The following SLC39A10 variants were observed in gnomAD, a reference collection of about 807,000 sequenced individuals.
The protein encoded by SLC39A10 is solute carrier family 39 member 10.
In SLC39A10, 13 loss-of-function variants were observed where a neutral mutation model predicts 65.1. The observed-to-expected ratio is 0.20, with a 90% CI of 0.13 to 0.32. The LOEUF is 0.32. SLC39A10 is among the 10% of genes least tolerant of loss of function. SLC39A10 has a pLI of 1.00. For missense variants in SLC39A10, 831 were observed against 1,018.4 expected (o/e 0.82, Z 2.50); for synonymous variants, 321 against 342.2 (o/e 0.94, Z 0.68).
chr2:195,680,724 C>T lies in SLC39A10; in HGVS notation c.682C>T (p.Leu228=). The change falls in exon 2 of 10, where the codon CTA becomes TTA. Residue 228 remains leucine, a synonymous_variant. Transcript: ENST00000359634. ...NKTQEQSDVK[L]PKGKRKKKGR... is the part of the protein sequence containing the mutation. ...AACCCAGGAACAATCTGATGTTAAA[C>T]TACCGAAAGGAAAGAGGAAGAAAAA... The T allele has an allele frequency of 6.2e-7, 1 of 1,614,036 alleles. No individual in the cohort carries two copies. Among genetic ancestry groups the T allele is most frequent in the Non-Finnish European group, 8.5e-7 (1 of 1,180,024 alleles).
intron 2 of SLC39A10, among the ~76,000 whole-genome samples, chr2:195,626,814 G>A (rs993768387): frequency 2.0e-4 from 30 of 152,036 alleles, no homozygotes; most frequent in African/African-American, 5.3e-4. Context: ...TAATTTTCCC[G>A]AGCAAATTTC....
intron 1 of SLC39A10, among the ~76,000 whole-genome samples, chr2:195,676,253 A>G (rs1690084635): frequency 6.6e-6 from 1 of 150,728 alleles, no homozygotes. Flanking sequence ...GTGGTGGCAC[A>G]ATCTTGGCTC....
At chr2:195,715,031 C>T (rs137955808) in intron 6 of SLC39A10, among the ~76,000 whole-genome samples, 4,009 of 151,976 alleles carry the variant, frequency 0.026, 73 homozygotes, top group Middle Eastern at 0.054. Context: ...GGGTTACAGG[C>T]GTGAGCCACT....
intron 2 of SLC39A10, among the ~76,000 whole-genome samples, chr2:195,649,044 C>T (rs973338031): frequency 1.3e-5 from 2 of 151,996 alleles, no homozygotes; most frequent in Non-Finnish European, 2.9e-5. Flanking sequence ...AAGAAAAAGC[C>T]AAGCATGATG....
At chr2:195,696,319 GA>G (rs67651617) in intron 3 of SLC39A10, among the ~76,000 whole-genome samples, 9,236 of 140,840 alleles carry the variant, frequency 0.066, 492 homozygotes, top group African/African-American at 0.16. Flanking sequence ...TTTTATTTCT[GA>G]AAAAAAAAAA....
intron 8 of SLC39A10, among the ~76,000 whole-genome samples, chr2:195,726,235 G>A (rs1692235475): frequency 6.6e-6 from 1 of 152,194 alleles, no homozygotes; most frequent in South Asian, 2.1e-4. Flanking sequence ...GTTGTTCATT[G>A]AGTATTAAAT....
intron 8 of SLC39A10, among the ~76,000 whole-genome samples, chr2:195,722,857 T>C (rs1265419733): frequency 6.6e-6 from 1 of 152,240 alleles, no homozygotes; most frequent in African/African-American, 2.4e-5. Flanking sequence ...AAACATGTTT[T>C]CCAATTACAT....
intron 1 of SLC39A10, among the ~76,000 whole-genome samples, chr2:195,668,544 A>G (rs1689723780): frequency 1.3e-5 from 2 of 152,206 alleles, no homozygotes; most frequent in African/African-American, 2.4e-5. Flanking sequence ...TTATTAGCAT[A>G]TTTTGTGTGT....
chr2:195,710,470 T>G (rs185604304), intron 5 of SLC39A10, among the ~76,000 whole-genome samples: 190 of 152,340 alleles, frequency 1.2e-3, no homozygotes, highest in African/African-American at 4.5e-3. Flanking sequence ...CTGTTTTGTT[T>G]GCATATGTGT....
intron 2 of SLC39A10, among the ~76,000 whole-genome samples, chr2:195,683,266 G>A (rs1574267047): frequency 6.6e-6 from 1 of 151,428 alleles, no homozygotes; most frequent in East Asian, 1.9e-4. Context: ...AAAACAATAT[G>A]CTTTTAGAGT....
At chr2:195,708,624 T>A (rs758071762) in intron 4 of SLC39A10, 32 bp from the exon 5 acceptor site, 2 of 1,459,640 alleles carry the variant, frequency 1.4e-6, no homozygotes, top group South Asian at 1.5e-5. Context: ...TTCAATTATT[T>A]GTTTAGAAGT....
intron 2 of SLC39A10, among the ~76,000 whole-genome samples, chr2:195,621,746 A>G (rs558633186): frequency 6.6e-6 from 1 of 152,232 alleles, no homozygotes; most frequent in Non-Finnish European, 1.5e-5. Context: ...TGTAATAATT[A>G]TAGTATGAAG....
intron 6 of SLC39A10, among the ~76,000 whole-genome samples, chr2:195,714,806 G>T (rs1183417361): frequency 6.6e-6 from 1 of 152,110 alleles, no homozygotes; most frequent in Non-Finnish European, 1.5e-5. Context: ...AGGCTGGAGT[G>T]CAGTGGCGTG....
At chr2:195,618,373 G>C (rs1269741800) in intron 2 of SLC39A10, among the ~76,000 whole-genome samples, 1 of 141,484 alleles carries the variant, frequency 7.1e-6, no homozygotes, top group African/African-American at 2.9e-5. Flanking sequence ...AAAAAAGAGA[G>C]AGAAAAAGTT....
In SLC39A10 at chr2:195,642,411, C is replaced by A. The variant is rs539647599; in HGVS notation, c.-12+36178C>A. ...CCTCACTTCTGCTTTCTCCCTCAAACCCCTGAGGAACACAGCAGAACCATT... is the reference window on the plus strand; with the variant it reads ...CCTCACTTCTGCTTTCTCCCTCAAAACCCTGAGGAACACAGCAGAACCATT... On this transcript the variant is annotated intron_variant, in intron 2 of 2. Transcript: ENST00000458054. 3.5e-3 allele frequency among the ~76,000 whole-genome samples: 528 copies of A among 152,262 alleles called. 3 individuals are homozygous for A. The highest frequency in any genetic ancestry group is 5.6e-3 in the Non-Finnish European group (383 of 68,024).
At chr2:195,701,423 G>GT (rs1172221929) in intron 3 of SLC39A10, among the ~76,000 whole-genome samples, 1 of 58,208 alleles carries the variant, frequency 1.7e-5, no homozygotes, top group Non-Finnish European at 3.3e-5. Context: ...TTCAGGGACA[G>GT]TTTCTGTGAT....
chr2:195,682,239 G>A (rs1468261137), intron 2 of SLC39A10, among the ~76,000 whole-genome samples: 2 of 152,082 alleles, frequency 1.3e-5, no homozygotes. Flanking sequence ...TTGTTCATAT[G>A]TATAGAAAGT....
intron 3 of SLC39A10, among the ~76,000 whole-genome samples, chr2:195,697,355 C>G (rs559227424): frequency 9.3e-4 from 142 of 152,226 alleles, no homozygotes; most frequent in African/African-American, 3.2e-3. Flanking sequence ...GTCTTCCAAT[C>G]CGTGAACATG....
At chr2:195,731,941 TA>T (rs1692444783) in intron 9 of SLC39A10, among the ~76,000 whole-genome samples, 1 of 152,222 alleles carries the variant, frequency 6.6e-6, no homozygotes, top group African/African-American at 2.4e-5. Flanking sequence ...AAAACCTCAC[TA>T]CGTGGTTCTT....
Sources: allele counts gnomAD v4.1 joint callset (sites outside exome capture counted in the v4.1 genomes callset), GRCh38; gene constraint gnomAD v4.1.1; transcripts MANE v1.5; gene names NCBI Gene and HGNC (gene_info 2026-07-23, HGNC 2026-07-21).